Variants in CTNNA1 observed in about 807,000 individuals in gnomAD.
CTNNA1 encodes catenin alpha-1.
A neutral mutation model predicts 98.4 loss-of-function variants in CTNNA1; 37 were observed. The ratio of observed to expected loss-of-function variants is 0.38; its 90% CI spans 0.29 to 0.49. The LOEUF is 0.49. Ranked by LOEUF, CTNNA1 falls within the 20% of genes least tolerant of loss-of-function variation. The pLI is 0.95. For missense variants in CTNNA1, 761 were observed against 1,147.2 expected, an observed-to-expected ratio of 0.66 and a Z score of 4.86; for synonymous variants, 404 against 413.2, an observed-to-expected ratio of 0.98 and a Z score of 0.27.
chr5:138,861,310 C>T (rs1764252501), intron 7 of CTNNA1, among the ~76,000 whole-genome samples: 1 of 152,198 alleles, frequency 6.6e-6, no homozygotes, highest in Non-Finnish European at 1.5e-5. Flanking sequence ...CGTCCACCAA[C>T]ACGCCTGGCT....
intron 12 of CTNNA1, 53 bp downstream of exon 12, chr5:138,924,763 C>G: frequency 1.4e-6 from 2 of 1,460,648 alleles, no homozygotes; most frequent in Non-Finnish European, 1.9e-6. Context: ...CTCAGTGAGG[C>G]AGGCCACCCC....
At chr5:138,892,970 C>T (rs982474810) in intron 9 of CTNNA1, among the ~76,000 whole-genome samples, 2 of 152,084 alleles carry the variant, frequency 1.3e-5, no homozygotes, top group Non-Finnish European at 2.9e-5. Context: ...AAGCAGAGAT[C>T]GCGCCGCTGC....
intron 11 of CTNNA1, among the ~76,000 whole-genome samples, chr5:138,918,943 G>T (rs1052476200): frequency 2.6e-5 from 4 of 152,152 alleles, no homozygotes; most frequent in Admixed American, 2.0e-4. Context: ...ACCTATATAA[G>T]GGTGACTGTG....
intron 1 of CTNNA1, among the ~76,000 whole-genome samples, chr5:138,778,441 T>A (rs1754663499): frequency 6.6e-6 from 1 of 152,182 alleles, no homozygotes; most frequent in South Asian, 2.1e-4. Flanking sequence ...GTGCATCGTG[T>A]TAGGAGATAC....
intron 5 of CTNNA1, among the ~76,000 whole-genome samples, chr5:138,812,662 G>GA (rs1561551314): frequency 2.0e-5 from 3 of 152,140 alleles, no homozygotes; most frequent in Non-Finnish European, 4.4e-5. Flanking sequence ...TAAATATACT[G>GA]GAATTATCTC....
chr5:138,762,270 C>G (rs1752452141), intron 1 of CTNNA1, among the ~76,000 whole-genome samples: 1 of 152,142 alleles, frequency 6.6e-6, no homozygotes, highest in South Asian at 2.1e-4. Flanking sequence ...TGCCCTGTCC[C>G]CCACATGTTG....
intron 16 of CTNNA1, chr5:138,932,059 ACTTGTCTTCCACCTCAGC>A: frequency 1.0e-6 from 1 of 983,490 alleles, no homozygotes; most frequent in Non-Finnish European, 1.2e-6. Flanking sequence ...TACTTTACTC[ACTTGTCTTCCACCTCAGC>A]CTGCAGTGAG....
chr5:138,766,066 T>C (rs1752906829), intron 1 of CTNNA1, among the ~76,000 whole-genome samples: 1 of 151,874 alleles, frequency 6.6e-6, no homozygotes, highest in African/African-American at 2.4e-5. Context: ...TAAACATGTA[T>C]AGAGTGTTAG....
chr5:138,823,955 T>TTAAAAAAAA (rs1167775353), intron 5 of CTNNA1, among the ~76,000 whole-genome samples: 1 of 9,034 alleles, frequency 1.1e-4, no homozygotes, highest in Non-Finnish European at 2.0e-4. Flanking sequence ...AGACTCCGTC[T>TTAAAAAAAA]CAAAAAAAAA....
chr5:138,803,158 ATT>A (rs567387707), intron 3 of CTNNA1, among the ~76,000 whole-genome samples: 6 of 141,740 alleles, frequency 4.2e-5, no homozygotes, highest in Non-Finnish European at 4.7e-5. Flanking sequence ...AATGGGCCAA[ATT>A]TTTTTTTTTT....
At chr5:138,784,737 GA>G (rs1755490351) in intron 3 of CTNNA1, among the ~76,000 whole-genome samples, 3 of 152,312 alleles carry the variant, frequency 2.0e-5, no homozygotes, top group African/African-American at 7.2e-5. Flanking sequence ...GACTTAGGAA[GA>G]ATCTGTGGAT....
intron 1 of CTNNA1, among the ~76,000 whole-genome samples, chr5:138,772,712 ATTAAGT>A (rs1753677448): frequency 6.6e-6 from 1 of 152,264 alleles, no homozygotes; most frequent in Admixed American, 6.5e-5. Flanking sequence ...ACCTGAGAAA[ATTAAGT>A]TTAATAAAAC....
chr5:138,912,362 A>G (rs567260470), intron 10 of CTNNA1, among the ~76,000 whole-genome samples: 3 of 152,100 alleles, frequency 2.0e-5, no homozygotes, highest in Non-Finnish European at 4.4e-5. Flanking sequence ...AGCTTTGAGG[A>G]AATCCCAACA....
chr5:138,862,253 C>T (rs1399835677), intron 7 of CTNNA1, among the ~76,000 whole-genome samples: 1 of 152,194 alleles, frequency 6.6e-6, no homozygotes, highest in Non-Finnish European at 1.5e-5. Context: ...CTCCTGCCCA[C>T]ACCCCTCAAT....
At chr5:138,804,816 T>TA (rs1433972041) in intron 3 of CTNNA1, among the ~76,000 whole-genome samples, 1 of 151,966 alleles carries the variant, frequency 6.6e-6, no homozygotes, top group Non-Finnish European at 1.5e-5. Context: ...TTTGGCCATT[T>TA]AAAAAAAAGG....
intron 5 of CTNNA1, among the ~76,000 whole-genome samples, chr5:138,821,107 G>A (rs924117029): frequency 9.2e-5 from 14 of 152,212 alleles, no homozygotes; most frequent in Non-Finnish European, 7.3e-5. Context: ...TAAGTGTGAC[G>A]CCAATCAGTT....
chr5:138,811,917 G>C, intron 4 of CTNNA1: 1 of 325,552 alleles, frequency 3.1e-6, no homozygotes, highest in South Asian at 3.0e-5. Flanking sequence ...TGGAAAGAGA[G>C]GGAGAGGGAG....
At chr5:138,778,749 T>C (rs1754695651) in intron 1 of CTNNA1, among the ~76,000 whole-genome samples, 2 of 152,246 alleles carry the variant, frequency 1.3e-5, no homozygotes, top group Non-Finnish European at 2.9e-5. Context: ...TGGAAGAACT[T>C]TTCCTTCTTT....
At chr5:138,838,427 A>T (rs1761991180) in intron 7 of CTNNA1, among the ~76,000 whole-genome samples, 1 of 152,110 alleles carries the variant, frequency 6.6e-6, no homozygotes, top group African/African-American at 2.4e-5. Context: ...CTGTTTCATA[A>T]CTATTCTTGA....
Sources: gnomAD v4.1 joint callset for allele counts (sites outside exome capture counted in the v4.1 genomes callset) on GRCh38, gnomAD v4.1.1 for gene constraint, MANE v1.5 for transcripts, NCBI Gene and HGNC (gene_info 2026-07-23, HGNC 2026-07-21) for gene names.